The following ACSM4 variants were observed in gnomAD, a reference collection of about 807,000 sequenced individuals.
ACSM4 encodes acyl-coenzyme A synthetase ACSM4, mitochondrial.
Under a neutral mutation model 73.0 loss-of-function variants are expected in ACSM4, and 66 were observed. The observed-to-expected ratio is 0.90, with a 90% CI of 0.74 to 1.11. The LOEUF (loss-of-function observed/expected upper bound fraction) is 1.11. Among genes scored for constraint, ACSM4 ranks in the 50% least tolerant of loss-of-function variants. The pLI, the probability that ACSM4 is intolerant of heterozygous loss-of-function variation, is 0.00. For missense variants in ACSM4, 645 were observed against 714.4 expected, an observed-to-expected ratio of 0.90 and a Z score of 1.11; for synonymous variants, 222 against 254.0, an observed-to-expected ratio of 0.87 and a Z score of 1.20.
At chr12:7,310,481 C>A in intron 2 of ACSM4, 58 bp from the exon 3 acceptor site, 1 of 1,512,948 alleles carries the variant, frequency 6.6e-7, no homozygotes, top group East Asian at 2.4e-5. Context: ...GCACAAAGCC[C>A]AAGTCTTCCA....
chr12:7,327,613 C>T (rs1042125054), intron 12 of ACSM4, among the ~76,000 whole-genome samples: 6 of 152,140 alleles, frequency 3.9e-5, no homozygotes, highest in African/African-American at 1.4e-4. Context: ...CTGTAGTTTC[C>T]TTCTAACCAT....
intron 11 of ACSM4, 101 bp from the exon 12 acceptor site, chr12:7,326,875 T>C: frequency 7.7e-7 from 1 of 1,304,630 alleles, no homozygotes; most frequent in Non-Finnish European, 1.0e-6. Context: ...TCACACAAAC[T>C]GTTATTAATA....
chr12:7,308,377 G>A (rs1946372381), intron 2 of ACSM4, among the ~76,000 whole-genome samples: 1 of 152,122 alleles, frequency 6.6e-6, no homozygotes, highest in South Asian at 2.1e-4. Context: ...TAAATTAAAT[G>A]TAAAGCAAGG....
intron 3 of ACSM4, among the ~76,000 whole-genome samples, 162 bp downstream of exon 3, chr12:7,310,908 G>C (rs1946387073): frequency 6.6e-6 from 1 of 152,170 alleles, no homozygotes; most frequent in African/African-American, 2.4e-5. Context: ...GCTCACACCT[G>C]TAATCCCAGC....
intron 5 of ACSM4, among the ~76,000 whole-genome samples, chr12:7,320,043 C>T (rs1364078917): frequency 6.6e-6 from 1 of 152,126 alleles, no homozygotes; most frequent in African/African-American, 2.4e-5. Flanking sequence ...CCAGGCAGCC[C>T]AGACATACAT....
chr12:7,323,366 C>A, intron 8 of ACSM4, 52 bp downstream of exon 8: 2 of 1,596,352 alleles, frequency 1.3e-6, no homozygotes, highest in Non-Finnish European at 1.7e-6. Flanking sequence ...GAACGTTTTC[C>A]TTTTCTGCTA....
chr12:7,326,953 AT>A lies in ACSM4; in HGVS notation c.1537-22del, dbSNP rs759102558. ...TGTGTCTGAAAAACAAATGAGCAAG[AT>A]AAATTAACTTTTCTGTTGCAGGTGG... On this transcript the variant is annotated intron_variant, in intron 11 of 12. Coordinates refer to ENST00000399422, the MANE Select transcript of ACSM4 (RefSeq NM_001080454.2). 2.5e-5 allele frequency: 40 copies of A among 1,576,882 alleles called. No individual in the cohort carries two copies. In the African/African-American group the frequency reaches 4.3e-4, roughly 17 times the overall value.
In ACSM4 at chr12:7,328,457, T is replaced by A; in HGVS notation, c.*84T>A. 3 of 1,060,562 alleles carry A rather than the reference T, an allele frequency of 2.8e-6. No homozygotes were observed. The highest frequency in any genetic ancestry group is 3.9e-6 in the Non-Finnish European group (3 of 775,026). 65.7% of individuals were successfully genotyped at this position (1,060,562 alleles called of 1,614,324 possible). ...TCCGATAATTCAGCGACTACTCTCT[T>A]AAAATGTTTAAGATCTTTCCTGCTT... is the stretch of plus-strand genomic sequence containing the variant. On this transcript the variant is annotated 3_prime_UTR_variant, in exon 13 of 13. Coordinates refer to ENST00000399422, the MANE Select transcript of ACSM4 (RefSeq NM_001080454.2).
intron 9 of ACSM4, among the ~76,000 whole-genome samples, chr12:7,323,825 T>G (rs1270563528): frequency 1.3e-5 from 2 of 152,166 alleles, no homozygotes; most frequent in Admixed American, 1.3e-4. Context: ...GAAGAGGGGC[T>G]TTTTATTATA....
rs1327795719 is a variant in ACSM4, at chr12:7,324,479, A to G, written c.1437-20A>G. 6.2e-7 allele frequency: 1 copy of G among 1,613,952 alleles called. No individual in the cohort carries two copies. Among genetic ancestry groups the G allele is most frequent in the African/African-American group, 1.3e-5 (1 of 75,042 alleles). On this transcript the variant is annotated intron_variant, in intron 10 of 12. Transcript: ENST00000399422. Reference sequence around the variant, plus strand: ...CTAACTTGGAGGATGTGGTGGTCAAAAACTTCTTTTCCTCTTCAGGTACCG... The same window carrying G: ...CTAACTTGGAGGATGTGGTGGTCAAGAACTTCTTTTCCTCTTCAGGTACCG...
At position 7,324,273 on chromosome 12, in the gene ACSM4, G is replaced by C. The variant is rs1946486596; in HGVS notation, c.1309G>C (p.Asp437His). 6.2e-7 allele frequency: 1 copy of C among 1,611,640 alleles called. No individual in the cohort carries two copies. The change falls in exon 10 of 13, where the codon GAC becomes CAC. Residue 437 changes from aspartate to histidine, a missense_variant and splice_region_variant. Asp to His is a moderately conservative substitution (Grantham distance 81). Coordinates refer to ENST00000399422, the MANE Select transcript of ACSM4 (RefSeq NM_001080454.2). ...CCCAAATGTCATCCTTGGTTCCCAG[G>C]ACAATCCACAGAAAACTGCTGCCAC... ...RPFCFFSKYV[D>H]NPQKTAATIR...
intron 1 of ACSM4, 59 bp from the exon 2 acceptor site, chr12:7,306,474 A>G (rs775038818): frequency 1.4e-6 from 2 of 1,477,488 alleles, no homozygotes; most frequent in African/African-American, 1.4e-5. Flanking sequence ...CAGATGCCGC[A>G]TGTAAGAGTA....
chr12:7,306,847 C>CAAA lies in ACSM4; in HGVS notation c.412+119_412+121dup, dbSNP rs59277746. ...TGATTAAAAGTATGCATACAGAAGA[C>CAAA]AAAAAAAAAAAAAAAAAGAAGAGTT... On this transcript the variant is annotated intron_variant, in intron 2 of 12. Transcript: ENST00000399422. The CAAA allele has an allele frequency of 2.8e-3, 1,354 of 487,710 alleles. 5 individuals carry two copies. The highest frequency in any genetic ancestry group is 3.6e-3 in the Middle Eastern group (6 of 1,652). The allele number at this position is 487,710 out of a possible 1,614,324, so 30.2% of individuals were successfully genotyped here.
At chr12:7,322,600 T>TCAACTGAG (rs895574936) in intron 7 of ACSM4, 59 bp downstream of exon 7, 5 of 1,543,728 alleles carry the variant, frequency 3.2e-6, no homozygotes, top group Non-Finnish European at 4.4e-6. Flanking sequence ...CCCAGGTTTT[T>TCAACTGAG]CAACTGAGCC....
intron 5 of ACSM4, chr12:7,318,619 C>G (rs1946438608): frequency 6.5e-6 from 1 of 153,752 alleles, no homozygotes; most frequent in Non-Finnish European, 1.4e-5. Flanking sequence ...CTCCCCCAGC[C>G]TATACTTCTC....
At position 7,323,517 on chromosome 12, in the gene ACSM4, G is replaced by A. The variant is rs746398120; in HGVS notation, c.1265G>A (p.Arg422Lys). ...GGCAAAGAAGGGGAAATTGCCCTCA[G>A]ACTCAAACCTACACGGCCCTTCTGT... The part of the protein sequence containing the change: ...PPGKEGEIAL[R>K]LKPTRPFCFF... Residue 422 changes from arginine to lysine, a missense_variant, in exon 9 of 13, where the codon AGA becomes AAA. Transcript: ENST00000399422. 10 of 1,613,868 alleles carry A rather than the reference G, an allele frequency of 6.2e-6. No individual in the cohort carries two copies. The Admixed American group carries it at 1.7e-4, about 27-fold the overall frequency.
chr12:7,324,564 CTGT>C lies in ACSM4; in HGVS notation c.1506_1508del (p.Val503del). ...GAGCATCCAGCAGTTGTTGAATCGG[CTGT>C]TGTCAGTAGTCCAGATCAAATCCGC... On this transcript the variant is annotated inframe_deletion, in exon 11 of 13. Coordinates refer to ENST00000399422, the MANE Select transcript of ACSM4 (RefSeq NM_001080454.2). 1 of 1,613,970 alleles carries C rather than the reference CTGT, an allele frequency of 6.2e-7. No homozygotes were observed. Among genetic ancestry groups the C allele is most frequent in the Non-Finnish European group, 8.5e-7 (1 of 1,179,870 alleles).
chr12:7,317,773 A>C (rs1946432467), intron 4 of ACSM4, among the ~76,000 whole-genome samples: 1 of 152,242 alleles, frequency 6.6e-6, no homozygotes, highest in South Asian at 2.1e-4. Flanking sequence ...CTTAACAAGT[A>C]TTTGTTGCAT....
chr12:7,319,658 C>A (rs941082600), intron 5 of ACSM4, among the ~76,000 whole-genome samples: 2 of 151,874 alleles, frequency 1.3e-5, no homozygotes, highest in African/African-American at 4.8e-5. Flanking sequence ...TCACCTCCTG[C>A]TGTGTGGCCC....
Sources: gnomAD v4.1 joint callset for allele counts (sites outside exome capture counted in the v4.1 genomes callset) on GRCh38, gnomAD v4.1.1 for gene constraint, MANE v1.5 for transcripts, NCBI Gene and HGNC (gene_info 2026-07-23, HGNC 2026-07-21) for gene names.